Variants in CNTN5 observed in about 807,000 individuals in gnomAD.
CNTN5 encodes contactin 5, also known as contactin-5.
Under a neutral mutation model 129.1 loss-of-function variants are expected in CNTN5, and 77 were observed. The ratio of observed to expected loss-of-function variants is 0.60; its 90% confidence interval spans 0.50 to 0.72. The LOEUF (loss-of-function observed/expected upper bound fraction) is 0.72, where lower values mean the gene tolerates loss of function less well. Among genes scored for constraint, CNTN5 ranks in the 30% least tolerant of loss-of-function variants. The pLI is 0.00. For synonymous variants in CNTN5, 509 were observed against 465.6 expected (o/e 1.09, Z -1.20); for missense variants, 1,478 against 1,328.8 (o/e 1.11, Z -1.75).
chr11:100,128,321 CTT>C (rs534888399), intron 13 of CNTN5, among the ~76,000 whole-genome samples: 38 of 152,088 alleles, frequency 2.5e-4, no homozygotes, highest in Non-Finnish European at 4.1e-4. Context: ...ATACTTTCCT[CTT>C]TATCTTTTAC....
chr11:99,255,775 CACAT>C (rs1263475714), intron 1 of CNTN5, among the ~76,000 whole-genome samples: 5 of 151,184 alleles, frequency 3.3e-5, no homozygotes, highest in Admixed American at 2.0e-4. Context: ...TATATATACA[CACAT>C]ACATGCATAA....
intron 3 of CNTN5, among the ~76,000 whole-genome samples, chr11:99,629,298 G>C (rs1951249918): frequency 6.6e-6 from 1 of 151,992 alleles, no homozygotes; most frequent in African/African-American, 2.4e-5. Flanking sequence ...TTAAAACAAT[G>C]ATATTTCACT....
At chr11:99,559,942 A>G (rs1481842521) in intron 3 of CNTN5, among the ~76,000 whole-genome samples, 2 of 152,194 alleles carry the variant, frequency 1.3e-5, no homozygotes, top group African/African-American at 2.4e-5. Context: ...TGAAAAAAAG[A>G]TGATAGTTTG....
intron 11 of CNTN5, 142 bp from the exon 12 acceptor site, chr11:100,071,563 G>A: frequency 2.0e-6 from 1 of 496,892 alleles, no homozygotes; most frequent in East Asian, 3.2e-5. Context: ...ATAATGAACA[G>A]TACATTTACA....
chr11:99,340,809 A>G (rs1423923087), intron 2 of CNTN5, among the ~76,000 whole-genome samples: 2 of 152,254 alleles, frequency 1.3e-5, no homozygotes, highest in Non-Finnish European at 2.9e-5. Context: ...TGCAAAAGCT[A>G]TGGTATTACA....
At chr11:100,338,583 C>G (rs1198532389) in intron 21 of CNTN5, among the ~76,000 whole-genome samples, 1 of 152,170 alleles carries the variant, frequency 6.6e-6, no homozygotes, top group Non-Finnish European at 1.5e-5. Flanking sequence ...GGATTTTTCT[C>G]GGCCCCTTCA....
At chr11:99,260,765 T>C (rs1223361370) in intron 1 of CNTN5, among the ~76,000 whole-genome samples, 3 of 151,966 alleles carry the variant, frequency 2.0e-5, no homozygotes, top group Non-Finnish European at 4.4e-5. Flanking sequence ...CCTTGACTAA[T>C]TTAAGCCAAT....
chr11:99,315,544 G>A (rs1249135650), intron 1 of CNTN5, among the ~76,000 whole-genome samples: 1 of 149,524 alleles, frequency 6.7e-6, no homozygotes, highest in African/African-American at 2.4e-5. Context: ...TTATTAGATG[G>A]AAATAGTTGG....
chr11:100,187,862 T>C (rs1948349949), intron 13 of CNTN5, among the ~76,000 whole-genome samples: 1 of 152,180 alleles, frequency 6.6e-6, no homozygotes, highest in African/African-American at 2.4e-5. Flanking sequence ...GAAACATCAT[T>C]CTGGACATTG....
intron 8 of CNTN5, among the ~76,000 whole-genome samples, chr11:99,978,418 C>T (rs576517627): frequency 9.8e-5 from 15 of 152,316 alleles, no homozygotes; most frequent in Admixed American, 7.2e-4. Flanking sequence ...GTGTCCTAGG[C>T]TTCACATCCG....
At chr11:100,128,059 T>C (rs1939861731) in intron 13 of CNTN5, among the ~76,000 whole-genome samples, 1 of 152,140 alleles carries the variant, frequency 6.6e-6, no homozygotes, top group Admixed American at 6.6e-5. Context: ...ATTGTATCAA[T>C]TGTCCTTTAT....
chr11:99,878,724 C>CAG (rs1479019738), intron 6 of CNTN5, among the ~76,000 whole-genome samples: 36 of 151,922 alleles, frequency 2.4e-4, no homozygotes, highest in African/African-American at 8.7e-4. Flanking sequence ...GGCGTGGTGG[C>CAG]GCGTGCCTGT....
intron 1 of CNTN5, among the ~76,000 whole-genome samples, chr11:99,059,493 C>T (rs4271353): frequency 6.6e-6 from 1 of 151,922 alleles, no homozygotes; most frequent in South Asian, 2.1e-4. Flanking sequence ...AAATACTTCC[C>T]TTTAGTCATT....
chr11:99,974,101 G>T (rs572239960), intron 8 of CNTN5, among the ~76,000 whole-genome samples: 1 of 152,352 alleles, frequency 6.6e-6, no homozygotes, highest in East Asian at 1.9e-4. Flanking sequence ...GCTTGATAAT[G>T]ATTAACATTC....
intron 3 of CNTN5, among the ~76,000 whole-genome samples, chr11:99,623,492 A>C (rs1040240732): frequency 2.6e-5 from 4 of 152,092 alleles, no homozygotes; most frequent in African/African-American, 9.7e-5. Context: ...CAAATATTTC[A>C]ACAGTGTATC....
chr11:100,081,508 G>A (rs1210042611), intron 13 of CNTN5, among the ~76,000 whole-genome samples: 1 of 152,144 alleles, frequency 6.6e-6, no homozygotes, highest in Non-Finnish European at 1.5e-5. Flanking sequence ...AAGGTGGTAA[G>A]ATGCTATGTC....
intron 1 of CNTN5, among the ~76,000 whole-genome samples, chr11:99,044,886 A>G (rs1447294711): frequency 6.6e-6 from 1 of 152,196 alleles, no homozygotes; most frequent in East Asian, 1.9e-4. Flanking sequence ...AACATAGTGA[A>G]CAAACAAGTT....
chr11:99,610,086 T>C (rs925434402), intron 3 of CNTN5, among the ~76,000 whole-genome samples: 1 of 152,134 alleles, frequency 6.6e-6, no homozygotes, highest in Non-Finnish European at 1.5e-5. Context: ...AGACGATATA[T>C]GGTAGAGCTT....
At chr11:100,176,422 AT>A (rs775753220) in intron 13 of CNTN5, among the ~76,000 whole-genome samples, 2 of 152,102 alleles carry the variant, frequency 1.3e-5, no homozygotes, top group Non-Finnish European at 2.9e-5. Context: ...GCCAATAGTT[AT>A]TTTTTAAGGT....
Sources: allele counts gnomAD v4.1 joint callset (sites outside exome capture counted in the v4.1 genomes callset), GRCh38; gene constraint gnomAD v4.1.1; transcripts MANE v1.5; gene names NCBI Gene and HGNC (gene_info 2026-07-23, HGNC 2026-07-21).